Variants in AIDA observed in about 807,000 individuals in gnomAD.
AIDA encodes axin interactor, dorsalization associated.
Under a neutral mutation model 42.7 loss-of-function variants are expected in AIDA, and 18 were observed. The observed-to-expected ratio is 0.42, with a 90% confidence interval of 0.29 to 0.63. The LOEUF is 0.63. Ranked by LOEUF, AIDA falls within the 20% of genes least tolerant of loss-of-function variation. The pLI is 0.19. For missense variants in AIDA, 250 were observed against 354.1 expected, an observed-to-expected ratio of 0.71 and a Z score of 2.36; for synonymous variants, 104 against 122.9, an observed-to-expected ratio of 0.85 and a Z score of 1.02.
intron 2 of AIDA, among the ~76,000 whole-genome samples, chr1:222,694,830 T>C (rs1655470619): frequency 6.6e-6 from 1 of 152,202 alleles, no homozygotes; most frequent in South Asian, 2.1e-4. Flanking sequence ...TAAGCTCATG[T>C]TGCATTAGGA....
intron 3 of AIDA, 144 bp from the exon 4 acceptor site, chr1:222,693,987 G>T: frequency 4.5e-6 from 4 of 885,498 alleles, no homozygotes; most frequent in South Asian, 2.1e-5. Context: ...ACTGGTTTTT[G>T]TTTATTTTTG....
At chr1:222,700,226 T>C (rs1391091039) in intron 2 of AIDA, among the ~76,000 whole-genome samples, 2 of 152,142 alleles carry the variant, frequency 1.3e-5, no homozygotes, top group African/African-American at 4.8e-5. Flanking sequence ...TCATAAATAA[T>C]AAATGCCTCA....
intron 6 of AIDA, among the ~76,000 whole-genome samples, chr1:222,683,045 C>T (rs1029834820): frequency 2.2e-4 from 33 of 152,118 alleles, no homozygotes; most frequent in African/African-American, 7.0e-4. Context: ...AGTTGAGGAA[C>T]ATGGGTTCCT....
chr1:222,682,817 C>T (rs779372068), intron 6 of AIDA, among the ~76,000 whole-genome samples: 3 of 152,096 alleles, frequency 2.0e-5, no homozygotes, highest in Non-Finnish European at 4.4e-5. Context: ...AAAGATACTG[C>T]TCAAACTGGC....
chr1:222,701,479 A>G (rs1571940442), intron 2 of AIDA, among the ~76,000 whole-genome samples: 3 of 152,296 alleles, frequency 2.0e-5, no homozygotes, highest in South Asian at 4.1e-4. Context: ...TAATTTATAT[A>G]TGTGGCTATC....
At chr1:222,712,157 G>A in intron 1 of AIDA, 51 bp downstream of exon 1, 1 of 1,552,904 alleles carries the variant, frequency 6.4e-7, no homozygotes. Context: ...AAACAAGGGA[G>A]AGGCGCACGA....
chr1:222,670,047 G>A, intron 9 of AIDA, 58 bp from the exon 10 acceptor site: 1 of 1,610,822 alleles, frequency 6.2e-7, no homozygotes, highest in East Asian at 2.2e-5. Flanking sequence ...AACTCTTCAA[G>A]GTTAAATACT....
intron 1 of AIDA, among the ~76,000 whole-genome samples, chr1:222,708,353 T>C (rs140361394): frequency 1.3e-5 from 2 of 150,622 alleles, no homozygotes; most frequent in East Asian, 4.0e-4. Flanking sequence ...TTCAGACTCA[T>C]TGATTCACTT....
intron 1 of AIDA, among the ~76,000 whole-genome samples, chr1:222,710,260 T>C (rs1359722612): frequency 2.0e-5 from 3 of 152,234 alleles, no homozygotes; most frequent in Non-Finnish European, 4.4e-5. Flanking sequence ...AATCATTACA[T>C]GTTTTCACTG....
chr1:222,703,348 G>C, intron 1 of AIDA, 131 bp from the exon 2 acceptor site: 1 of 501,974 alleles, frequency 2.0e-6, no homozygotes, highest in Non-Finnish European at 3.2e-6. Flanking sequence ...TCTACATTGA[G>C]AACCAAATTC....
chr1:222,680,902 C>A (rs1385652642), intron 6 of AIDA, among the ~76,000 whole-genome samples: 1 of 151,884 alleles, frequency 6.6e-6, no homozygotes, highest in Admixed American at 6.6e-5. Context: ...TGTGAAATTA[C>A]AAGACGTTTT....
At chr1:222,672,637 G>A (rs1205749955) in intron 8 of AIDA, among the ~76,000 whole-genome samples, 1 of 152,192 alleles carries the variant, frequency 6.6e-6, no homozygotes, top group East Asian at 1.9e-4. Flanking sequence ...GGGAACAGAG[G>A]AGGCAGCAGC....
In AIDA at chr1:222,694,291, T is replaced by C. The variant is rs755403788; in HGVS notation, c.181-28A>G. On this transcript the variant is annotated intron_variant, in intron 2 of 9. Coordinates refer to ENST00000340020, the MANE Select transcript of AIDA (RefSeq NM_022831.4). ...GCAGGGGAATAAAAAAAGCTATAAA[T>C]ACCAGAATTATCATAACTGTTAGTT... 5 of 1,576,964 alleles carry C rather than the reference T, an allele frequency of 3.2e-6. No individual in the cohort carries two copies. In the Admixed American group the frequency reaches 8.8e-5, roughly 28 times the overall value.
At chr1:222,686,029 A>G (rs1205165588) in intron 6 of AIDA, among the ~76,000 whole-genome samples, 2 of 152,142 alleles carry the variant, frequency 1.3e-5, no homozygotes, top group Non-Finnish European at 2.9e-5. Context: ...GTGTGGTGGC[A>G]TGCACCTAGA....
At chr1:222,682,108 C>A (rs1664665485) in intron 6 of AIDA, among the ~76,000 whole-genome samples, 1 of 152,118 alleles carries the variant, frequency 6.6e-6, no homozygotes, top group African/African-American at 2.4e-5. Flanking sequence ...TCCTTTAAGA[C>A]CCTGTCTTCA....
chr1:222,710,074 G>A (rs1348404069), intron 1 of AIDA, among the ~76,000 whole-genome samples: 1 of 152,086 alleles, frequency 6.6e-6, no homozygotes, highest in Non-Finnish European at 1.5e-5. Context: ...ACTAAATCCT[G>A]TCAATTCTTG....
At chr1:222,698,244 A>G (rs953294198) in intron 2 of AIDA, among the ~76,000 whole-genome samples, 12 of 152,328 alleles carry the variant, frequency 7.9e-5, no homozygotes, top group Admixed American at 3.3e-4. Context: ...TTTTCATACT[A>G]TTTATCACCA....
At chr1:222,695,470 T>C (rs1387251004) in intron 2 of AIDA, among the ~76,000 whole-genome samples, 1 of 151,920 alleles carries the variant, frequency 6.6e-6, no homozygotes, top group South Asian at 2.1e-4. Context: ...CCAGCCTGGG[T>C]AACAGAGTGA....
rs1664376287 is a variant in AIDA at position 222,668,228 on chromosome 1, A to G, written c.*1665T>C. 6.7e-6 allele frequency: 1 copy of G among 149,884 alleles called. No homozygotes were observed. Among genetic ancestry groups the G allele is most frequent in the African/African-American group, 2.5e-5 (1 of 40,544 alleles). The allele number at this position is 149,884 out of a possible 1,614,324, so 9.3% of individuals were successfully genotyped here. A position where few individuals can be genotyped will look rare whatever the true frequency, so the allele number is the denominator to read the frequency against. On this transcript the variant is annotated 3_prime_UTR_variant, in exon 10 of 10. Transcript: ENST00000340020. ...TTTTCAGGTCTTGTCAGCAACATCAAACAAAAGGTACTGAGTACTCCACAG... is the reference window on the plus strand; with the variant it reads ...TTTTCAGGTCTTGTCAGCAACATCAGACAAAAGGTACTGAGTACTCCACAG...
Sources: allele counts gnomAD v4.1 joint callset (sites outside exome capture counted in the v4.1 genomes callset), GRCh38; gene constraint gnomAD v4.1.1; transcripts MANE v1.5; gene names NCBI Gene and HGNC (gene_info 2026-07-23, HGNC 2026-07-21).